Variants in MYO6 observed in about 807,000 individuals in gnomAD.
MYO6 encodes unconventional myosin-VI.
In MYO6, 74 loss-of-function variants were observed where a neutral mutation model predicts 178.7. The ratio of observed to expected loss-of-function variants is 0.41; its 90% CI spans 0.34 to 0.50. MYO6 has a LOEUF of 0.50. MYO6 is among the 20% of genes least tolerant of loss of function. MYO6 has a pLI of 0.09. For missense variants in MYO6, 1,330 were observed against 1,547.4 expected, an observed-to-expected ratio of 0.86 and a Z score of 2.36; for synonymous variants, 477 against 504.6, an observed-to-expected ratio of 0.95 and a Z score of 0.73.
intron 28 of MYO6, among the ~76,000 whole-genome samples, chr6:75,893,417 G>A (rs1281597714): frequency 6.6e-6 from 1 of 152,076 alleles, no homozygotes; most frequent in East Asian, 1.9e-4. Flanking sequence ...GTATATATAT[G>A]TTGTATATAT....
chr6:75,864,797 TAAATA>T (rs1392469405), intron 16 of MYO6, among the ~76,000 whole-genome samples: 1 of 152,174 alleles, frequency 6.6e-6, no homozygotes, highest in African/African-American at 2.4e-5. Flanking sequence ...TTTTTGAAAA[TAAATA>T]AAATAATCAT....
intron 10 of MYO6, 68 bp from the exon 11 acceptor site, chr6:75,848,283 T>G: frequency 1.4e-6 from 2 of 1,385,728 alleles, no homozygotes; most frequent in Non-Finnish European, 2.1e-6. Context: ...TTAATTGACC[T>G]GGTGTAGTAG....
intron 30 of MYO6, among the ~76,000 whole-genome samples, chr6:75,905,133 G>T (rs1780175654): frequency 6.6e-6 from 1 of 152,198 alleles, no homozygotes; most frequent in Non-Finnish European, 1.5e-5. Context: ...CTTCAAGGCT[G>T]TCAGACAGGG....
Position 75,844,919 on chromosome 6 carries a change from G to A in MYO6, c.839G>A (p.Arg280Lys). The part of the protein sequence containing the change: ...NFRYLNRGCT[R>K]YFANKETDKQ... ...TAGTATTTAAACCGAGGCTGCACTA[G>A]ATACTTTGCTAACAAAGAAACTGAC... Residue 280 changes from arginine to lysine, a missense_variant, in exon 10 of 35, where the codon AGA (arginine) becomes AAA (lysine). Transcript: ENST00000369977. 1 of 1,613,014 alleles carries A rather than the reference G, an allele frequency of 6.2e-7. No homozygotes were observed.
At chr6:75,812,194 AT>A (rs1434104712) in intron 1 of MYO6, among the ~76,000 whole-genome samples, 1 of 151,982 alleles carries the variant, frequency 6.6e-6, no homozygotes, top group African/African-American at 2.4e-5. Context: ...AATGTTTAAA[AT>A]TTTTGATTTT....
intron 11 of MYO6, among the ~76,000 whole-genome samples, chr6:75,848,977 A>T (rs1774997340): frequency 6.6e-6 from 1 of 152,190 alleles, no homozygotes; most frequent in South Asian, 2.1e-4. Context: ...AATGAAAATA[A>T]ATGAAAATTT....
At chr6:75,814,242 C>A (rs538869145) in intron 1 of MYO6, among the ~76,000 whole-genome samples, 1 of 152,166 alleles carries the variant, frequency 6.6e-6, no homozygotes, top group Non-Finnish European at 1.5e-5. Context: ...CCTGTAGATT[C>A]TCTCACCATA....
At chr6:75,906,492 A>G (rs1399965696) in intron 30 of MYO6, among the ~76,000 whole-genome samples, 1 of 152,092 alleles carries the variant, frequency 6.6e-6, no homozygotes, top group African/African-American at 2.4e-5. Flanking sequence ...CCTGGGCAAC[A>G]TGGCAAGACC....
intron 1 of MYO6, among the ~76,000 whole-genome samples, chr6:75,794,452 A>T (rs79194312): frequency 3.3e-5 from 5 of 152,342 alleles, no homozygotes; most frequent in South Asian, 2.1e-4. Context: ...ACGAATAATC[A>T]GGAACCTAAA....
chr6:75,843,089 A>G (rs1473394125), intron 9 of MYO6, among the ~76,000 whole-genome samples: 8 of 152,180 alleles, frequency 5.3e-5, no homozygotes, highest in Non-Finnish European at 1.0e-4. Flanking sequence ...ACCCACTACT[A>G]TATCCACTTC....
Position 75,805,021 on chromosome 6 carries a change from AT to A in MYO6, c.-47-12460del, listed in dbSNP as rs58697772. On this transcript the variant is annotated intron_variant, in intron 1 of 34. Coordinates refer to ENST00000369977, the MANE Select transcript of MYO6 (RefSeq NM_004999.4). ...CACACACATATATATATATATATATATTTTTTTTTTTTTTTTTTTTGAGACA... is the reference window on the plus strand; with the variant it reads ...CACACACATATATATATATATATATATTTTTTTTTTTTTTTTTTTGAGACA... Among the ~76,000 whole-genome samples, 764 of 77,262 alleles carry A rather than the reference AT, an allele frequency of 9.9e-3. 6 individuals are homozygous for A. Among genetic ancestry groups the A allele is most frequent in the East Asian group, 0.038 (68 of 1,786 alleles). 50.7% of individuals were successfully genotyped at this position (77,262 alleles called of 152,430 possible).
intron 20 of MYO6, among the ~76,000 whole-genome samples, chr6:75,874,993 A>G (rs1225482223): frequency 6.6e-6 from 1 of 152,304 alleles, no homozygotes; most frequent in African/African-American, 2.4e-5. Flanking sequence ...GGTTCCTGAC[A>G]TGGCGTATGC....
chr6:75,913,425 A>G (rs1780911836), intron 33 of MYO6, among the ~76,000 whole-genome samples: 1 of 152,174 alleles, frequency 6.6e-6, no homozygotes, highest in African/African-American at 2.4e-5. Context: ...TTTCAGAGTA[A>G]GTAAATATCT....
rs1353988770 is a variant in MYO6 at position 75,815,993 on chromosome 6, G to C, written c.-47-1508G>C. ...CAAAATATTTTGCATGTCACGGATTGTTTTGGCTACTCTTTAGAGACAGAT... is the reference window on the plus strand; with the variant it reads ...CAAAATATTTTGCATGTCACGGATTCTTTTGGCTACTCTTTAGAGACAGAT... On this transcript the variant is annotated intron_variant, in intron 1 of 34. Coordinates refer to ENST00000369977, the MANE Select transcript of MYO6 (RefSeq NM_004999.4). Among the ~76,000 whole-genome samples the C allele has an allele frequency of 2.0e-5, 3 of 152,306 alleles. No individual in the cohort carries two copies. The East Asian group carries it at 5.8e-4, about 29-fold the overall frequency.
rs114023991 is a variant in MYO6 at position 75,897,587 on chromosome 6, A to G, written c.3138-786A>G. On this transcript the variant is annotated intron_variant, in intron 29 of 34. Coordinates refer to ENST00000369977, the MANE Select transcript of MYO6 (RefSeq NM_004999.4). ...AATACACCCATCTTCTTTTCTTATGATTTTACTGATTTGGAAGGGTTTGAG... is the reference window on the plus strand; with the variant it reads ...AATACACCCATCTTCTTTTCTTATGGTTTTACTGATTTGGAAGGGTTTGAG... Among the ~76,000 whole-genome samples the G allele has an allele frequency of 4.3e-3, 660 of 152,264 alleles. 7 individuals are homozygous for G. The highest frequency in any genetic ancestry group is 0.015 in the African/African-American group (631 of 41,560).
At position 75,879,909 on chromosome 6, in the gene MYO6, C is replaced by A. The variant is rs2149343667; in HGVS notation, c.2167C>A (p.Pro723Thr). ...ELYNMYKKYM[P>T]DKLARLDPRL... ...CTACAACATGTACAAAAAGTATATG[C>A]CAGATAAACTTGCAAGATTGGATCC... Residue 723 changes from proline to threonine, a missense_variant, in exon 21 of 35, where the codon CCA becomes ACA. Coordinates refer to ENST00000369977, the MANE Select transcript of MYO6 (RefSeq NM_004999.4). 1 of 1,614,004 alleles carries A rather than the reference C, an allele frequency of 6.2e-7. No homozygotes were observed. The highest frequency in any genetic ancestry group is 1.7e-5 in the Admixed American group (1 of 60,008).
At chr6:75,823,122 C>G (rs893509639) in intron 3 of MYO6, among the ~76,000 whole-genome samples, 2 of 152,110 alleles carry the variant, frequency 1.3e-5, no homozygotes, top group Admixed American at 6.5e-5. Context: ...AACTAAAAGT[C>G]TCTTGTTAAC....
At chr6:75,800,685 A>G (rs140684859) in intron 1 of MYO6, among the ~76,000 whole-genome samples, 1 of 152,146 alleles carries the variant, frequency 6.6e-6, no homozygotes, top group East Asian at 1.9e-4. Flanking sequence ...AGATGTCTGG[A>G]GTTAGGAGAG....
intron 1 of MYO6, among the ~76,000 whole-genome samples, chr6:75,757,303 TAC>T (rs1171173664): frequency 1.3e-4 from 20 of 148,954 alleles, no homozygotes; most frequent in East Asian, 1.0e-3. Flanking sequence ...TGTGTATGTA[TAC>T]ACACACATAT....
Sources: gnomAD v4.1 joint callset for allele counts (sites outside exome capture counted in the v4.1 genomes callset) on GRCh38, gnomAD v4.1.1 for gene constraint, MANE v1.5 for transcripts, NCBI Gene and HGNC (gene_info 2026-07-23, HGNC 2026-07-21) for gene names.